The following NCKAP5 variants were observed in gnomAD, a reference collection of about 807,000 sequenced individuals.
NCKAP5 encodes the protein nck-associated protein 5.
NCKAP5 carries 92 observed loss-of-function variants against 167.0 expected under a neutral mutation model. The observed-to-expected ratio is 0.55, with a 90% CI of 0.47 to 0.66. The LOEUF is 0.66. Ranked by LOEUF, NCKAP5 falls within the 30% of genes least tolerant of loss-of-function variation. NCKAP5 has a pLI of 0.00. For synonymous variants in NCKAP5, 891 were observed against 877.4 expected (o/e 1.02, Z -0.27); for missense variants, 2,378 against 2,315.0 (o/e 1.03, Z -0.56).
At chr2:133,180,650 G>C (rs560663621) in intron 5 of NCKAP5, among the ~76,000 whole-genome samples, 3 of 152,046 alleles carry the variant, frequency 2.0e-5, no homozygotes, top group African/African-American at 7.2e-5. Flanking sequence ...AATGGTTAAA[G>C]AAAGTTTTCT....
chr2:133,037,388 TTCA>T, intron 6 of NCKAP5, among the ~76,000 whole-genome samples: 1 of 152,118 alleles, frequency 6.6e-6, no homozygotes, highest in Non-Finnish European at 1.5e-5. Flanking sequence ...ATTACTTGAC[TTCA>T]AATTATTCTA....
intron 3 of NCKAP5, among the ~76,000 whole-genome samples, chr2:133,465,457 C>G (rs200605123): frequency 0.26 from 39,710 of 151,480 alleles, 5,486 homozygotes; most frequent in East Asian, 0.41. Context: ...TGAATAATGC[C>G]GCAATAAACA....
intron 5 of NCKAP5, among the ~76,000 whole-genome samples, chr2:133,160,086 G>A (rs2083725228): frequency 6.6e-6 from 1 of 152,156 alleles, no homozygotes; most frequent in South Asian, 2.1e-4. Context: ...GTTTTCTAAG[G>A]CTGCTGTAAC....
chr2:133,472,018 A>G (rs1185753710), intron 3 of NCKAP5, among the ~76,000 whole-genome samples: 1 of 152,212 alleles, frequency 6.6e-6, no homozygotes, highest in Non-Finnish European at 1.5e-5. Flanking sequence ...AGCAATTGTT[A>G]TAGACTAACA....
chr2:133,404,958 C>G (rs996910465), intron 3 of NCKAP5, among the ~76,000 whole-genome samples: 2 of 152,208 alleles, frequency 1.3e-5, no homozygotes, highest in African/African-American at 4.8e-5. Context: ...TCCCTTGCCT[C>G]TCTTCCAATC....
At chr2:132,865,346 T>C (rs1189343367) in intron 10 of NCKAP5, among the ~76,000 whole-genome samples, 6 of 152,112 alleles carry the variant, frequency 3.9e-5, no homozygotes, top group African/African-American at 1.4e-4. Flanking sequence ...GGCTAAACAG[T>C]TCACGTAACT....
chr2:132,854,757 C>G (rs1445352151), intron 11 of NCKAP5, among the ~76,000 whole-genome samples: 1 of 152,170 alleles, frequency 6.6e-6, no homozygotes, highest in Non-Finnish European at 1.5e-5. Flanking sequence ...GCCATGGACT[C>G]CTCAGCACTG....
At chr2:132,683,208 C>G (rs1573844523) in intron 19 of NCKAP5, among the ~76,000 whole-genome samples, 1 of 152,030 alleles carries the variant, frequency 6.6e-6, no homozygotes, top group African/African-American at 2.4e-5. Context: ...GACGAATATG[C>G]TATCCGTTCT....
At chr2:133,340,729 T>C (rs1419883671) in intron 3 of NCKAP5, among the ~76,000 whole-genome samples, 3 of 152,156 alleles carry the variant, frequency 2.0e-5, no homozygotes, top group South Asian at 2.1e-4. Flanking sequence ...AGTTCAGAGA[T>C]GGCAAAAATC....
chr2:132,898,608 C>T (rs983237570), intron 8 of NCKAP5, among the ~76,000 whole-genome samples: 18 of 152,178 alleles, frequency 1.2e-4, no homozygotes, highest in Admixed American at 1.2e-3. Flanking sequence ...CCTTGTTGAT[C>T]CATGAGCTGC....
intron 10 of NCKAP5, among the ~76,000 whole-genome samples, chr2:132,864,827 A>C (rs1690213022): frequency 1.3e-5 from 2 of 152,210 alleles, no homozygotes; most frequent in Admixed American, 6.5e-5. Flanking sequence ...TCATGGGAAT[A>C]CATGGAATTG....
intron 3 of NCKAP5, among the ~76,000 whole-genome samples, chr2:133,468,717 A>G (rs1198565432): frequency 6.6e-6 from 1 of 152,224 alleles, no homozygotes; most frequent in African/African-American, 2.4e-5. Flanking sequence ...ATATATATTT[A>G]GGATAGTCAG....
At chr2:133,545,431 G>A (rs1244402259) in intron 2 of NCKAP5, among the ~76,000 whole-genome samples, 2 of 152,140 alleles carry the variant, frequency 1.3e-5, no homozygotes, top group Non-Finnish European at 2.9e-5. Flanking sequence ...CCAAGGCAGA[G>A]AGTGAAGGAG....
intron 3 of NCKAP5, among the ~76,000 whole-genome samples, chr2:133,515,768 T>C (rs2151434522): frequency 6.6e-6 from 1 of 152,234 alleles, no homozygotes; most frequent in East Asian, 1.9e-4. Context: ...TGCAAGTACC[T>C]ACGATCCCCA....
intron 3 of NCKAP5, among the ~76,000 whole-genome samples, chr2:133,392,280 A>G (rs955610097): frequency 8.5e-5 from 13 of 152,256 alleles, no homozygotes; most frequent in African/African-American, 3.1e-4. Context: ...AATGTAGAAC[A>G]TAACATGCTG....
intron 4 of NCKAP5, among the ~76,000 whole-genome samples, chr2:133,299,297 C>A (rs1680187080): frequency 6.6e-6 from 1 of 152,112 alleles, no homozygotes; most frequent in South Asian, 2.1e-4. Flanking sequence ...AGAATTTTTA[C>A]AGTGGCGCAA....
chr2:133,152,653 G>C (rs1308283453), intron 5 of NCKAP5, among the ~76,000 whole-genome samples: 1 of 152,146 alleles, frequency 6.6e-6, no homozygotes, highest in Non-Finnish European at 1.5e-5. Flanking sequence ...AAGGAACCTT[G>C]AGTATACTGC....
chr2:133,059,761 A>T (rs2079931624), intron 6 of NCKAP5, among the ~76,000 whole-genome samples: 1 of 152,196 alleles, frequency 6.6e-6, no homozygotes, highest in South Asian at 2.1e-4. Context: ...AATAGACTAT[A>T]GTATAGTGTG....
Position 133,402,413 on chromosome 2 carries a change from A to C in NCKAP5, c.70-99303T>G, listed in dbSNP as rs535813295. 2.0e-4 allele frequency among the ~76,000 whole-genome samples: 30 copies of C among 152,316 alleles called. No homozygotes were observed. The South Asian group carries it at 6.2e-3, about 32-fold the overall frequency. ...TAGATTGTAGGGAGGGGAGAGTTAC[A>C]GATAAGAGATAGAGGTCACAGGTAA... is the stretch of plus-strand genomic sequence containing the variant. On this transcript the variant is annotated intron_variant, in intron 3 of 19. Transcript: ENST00000409261.
Sources: gnomAD v4.1 joint callset for allele counts (sites outside exome capture counted in the v4.1 genomes callset) on GRCh38, gnomAD v4.1.1 for gene constraint, MANE v1.5 for transcripts, NCBI Gene and HGNC (gene_info 2026-07-23, HGNC 2026-07-21) for gene names.